TECTA: variants seen among roughly 807,000 people sequenced by gnomAD.
The protein encoded by TECTA is alpha-tectorin.
TECTA carries 128 observed loss-of-function variants against 216.8 expected under a neutral mutation model. The observed-to-expected ratio is 0.59, with a 90% CI of 0.51 to 0.68. TECTA has a LOEUF of 0.68. TECTA is among the 30% of genes least tolerant of loss of function. The pLI is 0.00. For missense variants in TECTA, 2,551 were observed against 2,786.2 expected (o/e 0.92, Z 1.90); for synonymous variants, 1,089 against 1,117.1 (o/e 0.97, Z 0.50).
rs562833976 is a variant in TECTA, at chr11:121,179,318, A to G, written c.6000-8514A>G. On this transcript the variant is annotated intron_variant, in intron 20 of 23. Coordinates refer to ENST00000392793, the MANE Select transcript of TECTA (RefSeq NM_005422.4). Reference sequence around the variant, plus strand: ...GTGCTTGTTCAGGAGCATGTGGCCTAATTTCTAAGTATTTGTTCAGTGTCC... The same window carrying G: ...GTGCTTGTTCAGGAGCATGTGGCCTGATTTCTAAGTATTTGTTCAGTGTCC... 2.2e-3 allele frequency among the ~76,000 whole-genome samples: 335 copies of G among 152,182 alleles called. 3 individuals carry two copies. The highest frequency in any genetic ancestry group is 3.3e-3 in the Non-Finnish European group (222 of 67,998).
chr11:121,150,126 A>T (rs1183181539), intron 12 of TECTA, among the ~76,000 whole-genome samples: 1 of 152,230 alleles, frequency 6.6e-6, no homozygotes, highest in Admixed American at 6.5e-5. Context: ...AAATAATAAA[A>T]ATAAAACAAG....
intron 14 of TECTA, among the ~76,000 whole-genome samples, chr11:121,158,592 GC>G (rs1946968230): frequency 6.6e-6 from 1 of 152,160 alleles, no homozygotes; most frequent in Non-Finnish European, 1.5e-5. Context: ...TCTTGGCTCT[GC>G]CCTCTTGTAG....
intron 11 of TECTA, among the ~76,000 whole-genome samples, chr11:121,140,395 G>T (rs537678288): frequency 6.6e-6 from 1 of 152,166 alleles, no homozygotes; most frequent in East Asian, 1.9e-4. Context: ...CTCCCTCCAG[G>T]CATGTGCTCT....
rs1947336064 is a variant in TECTA, at chr11:121,191,070, G to C, written c.*264G>C. The C allele has an allele frequency of 2.7e-6, 1 of 371,074 alleles. No individual in the cohort carries two copies. The highest frequency in any genetic ancestry group is 5.1e-6 in the Non-Finnish European group (1 of 196,002). The allele number at this position is 371,074 out of a possible 1,614,324, so 23.0% of individuals were successfully genotyped here. A position where few individuals can be genotyped will look rare whatever the true frequency, so the allele number is the denominator to read the frequency against. The stretch of plus-strand genomic sequence containing the variant: ...CCAAACAGTTGTCACTAGAGACTTT[G>C]GTTCACATGAAAAACCAGTAAAGGA... On this transcript the variant is annotated 3_prime_UTR_variant, in exon 24 of 24. Coordinates refer to ENST00000392793, the MANE Select transcript of TECTA (RefSeq NM_005422.4).
At chr11:121,151,224 A>G (rs558184639) in intron 12 of TECTA, among the ~76,000 whole-genome samples, 1 of 152,348 alleles carries the variant, frequency 6.6e-6, no homozygotes, top group East Asian at 1.9e-4. Context: ...CGCAGGTAGG[A>G]AGACAAATTG....
Position 121,128,277 on chromosome 11 carries a change from G to C in TECTA, c.2300G>C (p.Arg767Pro). Residue 767 changes from arginine (R) to proline (P), a missense_variant, in exon 9 of 24, where the codon CGG becomes CCG. By Grantham distance (103) the Arg-to-Pro change is moderately radical. Coordinates refer to ENST00000392793, the MANE Select transcript of TECTA (RefSeq NM_005422.4). ...CCCGATGCAGGACCTGCTTGGCTGC[G>C]GGGACTTCGGATCCTGGTGGCCGAC... ...KKPDAGPAWL[R>P]GLRILVADQE... 1 of 1,599,786 alleles carries C rather than the reference G, an allele frequency of 6.3e-7. No homozygotes were observed. Among genetic ancestry groups the C allele is most frequent in the Non-Finnish European group, 8.5e-7 (1 of 1,179,954 alleles).
Position 121,127,307 on chromosome 11 carries a change from T to C in TECTA, c.1775-445T>C, listed in dbSNP as rs1160138458. Among the ~76,000 whole-genome samples the C allele has an allele frequency of 6.6e-6, 1 of 152,208 alleles. No individual in the cohort carries two copies. Among genetic ancestry groups the C allele is most frequent in the East Asian group, 1.9e-4 (1 of 5,190 alleles). On this transcript the variant is annotated intron_variant, in intron 8 of 23. Coordinates refer to ENST00000392793, the MANE Select transcript of TECTA (RefSeq NM_005422.4). The surrounding 1 kb of genome is among the most constrained non-coding windows in gnomAD (Gnocchi z 5.0). The stretch of plus-strand genomic sequence containing the variant: ...CTGTTACAAATTTCACGTTTTCAAA[T>C]TACTCCTCTAATGGTTACATTTTTC...
chr11:121,128,487 AATG>A, intron 9 of TECTA, 143 bp downstream of exon 9: 1 of 727,064 alleles, frequency 1.4e-6, no homozygotes, highest in Non-Finnish European at 2.2e-6. Flanking sequence ...AGCGTTTTCT[AATG>A]ATCTGCACCA....
chr11:121,151,916 T>G (rs1946894363), intron 12 of TECTA, among the ~76,000 whole-genome samples: 1 of 152,232 alleles, frequency 6.6e-6, no homozygotes, highest in Admixed American at 6.5e-5. Flanking sequence ...TCTACGAAAC[T>G]TTTTAAGCAA....
At position 121,102,900 on chromosome 11, in the gene TECTA, G is replaced by A. The variant is rs931735344; in HGVS notation, c.64+171G>A. ...AGGGTAAAATTCATTAACTTTAAAT[G>A]AGGTTTACTTATATTCCCACTTTTT... On this transcript the variant is annotated intron_variant, in intron 2 of 23. Transcript: ENST00000392793. Among the ~76,000 whole-genome samples the A allele has an allele frequency of 1.6e-4, 24 of 152,204 alleles. 1 individual carries two copies. The highest frequency in any genetic ancestry group is 1.0e-3 in the South Asian group (5 of 4,828).
At chr11:121,162,868 G>C (rs118155855) in intron 16 of TECTA, among the ~76,000 whole-genome samples, 1 of 152,266 alleles carries the variant, frequency 6.6e-6, no homozygotes, top group Non-Finnish European at 1.5e-5. Flanking sequence ...AGATCAGCTG[G>C]TAAAATAAAG....
chr11:121,162,021 T>A, intron 15 of TECTA, 54 bp from the exon 16 acceptor site: 1 of 1,610,718 alleles, frequency 6.2e-7, no homozygotes, highest in East Asian at 2.2e-5. Context: ...AGATGCAATT[T>A]ACCTTCCATT....
Position 121,134,451 on chromosome 11 carries a change from G to T in TECTA, c.2942-2970G>T, listed in dbSNP as rs897076206. 7.2e-5 allele frequency among the ~76,000 whole-genome samples: 11 copies of T among 152,250 alleles called. No homozygotes were observed. The South Asian group carries it at 8.3e-4, about 12-fold the overall frequency. On this transcript the variant is annotated intron_variant, in intron 10 of 23. Coordinates refer to ENST00000392793, the MANE Select transcript of TECTA (RefSeq NM_005422.4). ...TCTCAGAAGGGCAGTTGTGTCCCTGGTGAGCCCCCGGGGAGGGACTAATAG... is the reference window on the plus strand; with the variant it reads ...TCTCAGAAGGGCAGTTGTGTCCCTGTTGAGCCCCCGGGGAGGGACTAATAG...
intron 14 of TECTA, among the ~76,000 whole-genome samples, chr11:121,158,730 A>T (rs1404856428): frequency 6.6e-6 from 1 of 151,980 alleles, no homozygotes; most frequent in Non-Finnish European, 1.5e-5. Context: ...CCGTGATGAC[A>T]TGCTGAGGGG....
rs920273300 is a variant in TECTA, at chr11:121,157,914, A to G, written c.4379A>G (p.Asp1460Gly). Residue 1460 changes from aspartate (D) to glycine (G), a missense_variant, in exon 14 of 24, where the codon GAC becomes GGC. Physicochemically the swap from Asp to Gly is moderately conservative, Grantham distance 94. This residue lies in a region of TECTA where 2,375 missense variants were observed against 2,563.9 expected (regional missense o/e 0.93). Coordinates refer to ENST00000392793, the MANE Select transcript of TECTA (RefSeq NM_005422.4). The part of the protein sequence containing the change: ...RCFRRNVIQC[D>G]PRQCKSDEEC... ...TTCCGTCGCAACGTGATTCAGTGCG[A>G]CCCGCGCCAATGCAAGTCAGACGAG... 3 of 1,613,992 alleles carry G rather than the reference A, an allele frequency of 1.9e-6. No homozygotes were observed. Among genetic ancestry groups the G allele is most frequent in the Non-Finnish European group, 2.5e-6 (3 of 1,180,034 alleles).
rs939257074 is a variant in TECTA at position 121,168,322 on chromosome 11, C to T, written c.5750+105C>T. 2.0e-5 allele frequency: 29 copies of T among 1,454,030 alleles called. No homozygotes were observed. The East Asian group carries it at 6.6e-4, about 33-fold the overall frequency. The allele number at this position is 1,454,030 out of a possible 1,614,324, so 90.1% of individuals were successfully genotyped here. A position where few individuals can be genotyped will look rare whatever the true frequency, so the allele number is the denominator to read the frequency against. On this transcript the variant is annotated intron_variant, in intron 19 of 23. Coordinates refer to ENST00000392793, the MANE Select transcript of TECTA (RefSeq NM_005422.4). ...TTTGTCTTTGATGCCCTAGGAAAAA[C>T]ATAATTCACGTTTCTTGAGCCTAAA...
chr11:121,183,127 C>A (rs1404864832), intron 20 of TECTA, among the ~76,000 whole-genome samples: 1 of 152,076 alleles, frequency 6.6e-6, no homozygotes, highest in Non-Finnish European at 1.5e-5. Flanking sequence ...AGTGCTTGGA[C>A]CCACCTGCAC....
chr11:121,141,243 C>A (rs1946781107), intron 11 of TECTA, among the ~76,000 whole-genome samples: 2 of 152,154 alleles, frequency 1.3e-5, no homozygotes, highest in Non-Finnish European at 1.5e-5. Context: ...TATTATTAGT[C>A]ACCATCTCTC....
intron 9 of TECTA, among the ~76,000 whole-genome samples, chr11:121,128,742 C>G (rs1946641971): frequency 2.0e-5 from 3 of 152,198 alleles, no homozygotes; most frequent in Non-Finnish European, 4.4e-5. Context: ...AAGGGAGATT[C>G]ACACCTGCCT....
Sources: gnomAD v4.1 joint callset for allele counts (sites outside exome capture counted in the v4.1 genomes callset) on GRCh38, gnomAD v4.1.1 for gene constraint, gnomAD v4.1.1 regional missense constraint, Gnocchi (gnomAD v3.1) non-coding constraint, MANE v1.5 for transcripts, NCBI Gene and HGNC (gene_info 2026-07-23, HGNC 2026-07-21) for gene names.